The following NR1H4 variants were observed in gnomAD, a reference collection of about 807,000 sequenced individuals.
NR1H4 encodes the protein nuclear receptor subfamily 1 group H member 4.
A neutral mutation model predicts 58.5 loss-of-function variants in NR1H4; 23 were observed. That is an observed-to-expected ratio of 0.39 (90% confidence interval 0.28 to 0.56). The LOEUF (loss-of-function observed/expected upper bound fraction) is 0.56, where lower values mean the gene tolerates loss of function less well. NR1H4 is among the 20% of genes least tolerant of loss of function. NR1H4 has a pLI of 0.58. For synonymous variants in NR1H4, 214 were observed against 198.0 expected (o/e 1.08, Z -0.68); for missense variants, 487 against 576.9 (o/e 0.84, Z 1.60).
At chr12:100,511,192 G>A (rs1392175365) in intron 4 of NR1H4, 49 bp downstream of exon 4, 2 of 1,613,214 alleles carry the variant, frequency 1.2e-6, no homozygotes, top group African/African-American at 1.3e-5. Context: ...TACTATATTG[G>A]TTGTTGAAAT....
At chr12:100,547,905 A>G (rs1264329999) in intron 9 of NR1H4, among the ~76,000 whole-genome samples, 1 of 150,690 alleles carries the variant, frequency 6.6e-6, no homozygotes, top group Non-Finnish European at 1.5e-5. Context: ...TATTTTTAGT[A>G]GAGACGGGGT....
chr12:100,479,740 C>T (rs1453062281), intron 1 of NR1H4, among the ~76,000 whole-genome samples: 1 of 152,254 alleles, frequency 6.6e-6, no homozygotes, highest in Non-Finnish European at 1.5e-5. Flanking sequence ...GCTGCCTACT[C>T]TCAGACCTCA....
chr12:100,510,111 A>G (rs913230643), intron 3 of NR1H4, among the ~76,000 whole-genome samples: 1 of 152,248 alleles, frequency 6.6e-6, no homozygotes, highest in African/African-American at 2.4e-5. Flanking sequence ...GCAGACTCCT[A>G]TGGATGAATA....
intron 6 of NR1H4, among the ~76,000 whole-genome samples, chr12:100,535,632 C>G (rs1954796410): frequency 6.6e-6 from 1 of 152,176 alleles, no homozygotes; most frequent in Non-Finnish European, 1.5e-5. Context: ...CAAACCACAC[C>G]CTTCTCAATA....
intron 1 of NR1H4, among the ~76,000 whole-genome samples, chr12:100,487,724 G>A (rs1413952448): frequency 6.6e-6 from 1 of 150,466 alleles, no homozygotes; most frequent in Non-Finnish European, 1.5e-5. Flanking sequence ...TGATTCTCCT[G>A]CCTCAGCCTC....
chr12:100,493,771 T>G (rs982387592), intron 3 of NR1H4, among the ~76,000 whole-genome samples: 2 of 152,190 alleles, frequency 1.3e-5, no homozygotes, highest in African/African-American at 4.8e-5. Flanking sequence ...TGACACCTAT[T>G]AAAGGCTGAG....
chr12:100,481,455 CA>C (rs1209304457), intron 1 of NR1H4, among the ~76,000 whole-genome samples: 54 of 152,306 alleles, frequency 3.5e-4, no homozygotes, highest in African/African-American at 1.2e-3. Context: ...AGAGAATTAA[CA>C]ACGGGAAATT....
chr12:100,507,844 C>A (rs1415534650), intron 3 of NR1H4, among the ~76,000 whole-genome samples: 3 of 152,096 alleles, frequency 2.0e-5, no homozygotes, highest in Admixed American at 6.6e-5. Context: ...TGTGTTCTGT[C>A]AATCATTTCC....
At chr12:100,506,968 A>T (rs780180801) in intron 3 of NR1H4, among the ~76,000 whole-genome samples, 1 of 152,154 alleles carries the variant, frequency 6.6e-6, no homozygotes, top group Non-Finnish European at 1.5e-5. Flanking sequence ...ATCTGACTTG[A>T]CTTGGGACTC....
At chr12:100,525,229 T>A (rs983606653) in intron 4 of NR1H4, 2 of 152,196 alleles carry the variant, frequency 1.3e-5, no homozygotes, top group South Asian at 4.1e-4. Context: ...TTTTGTCTTA[T>A]CAATGATCTG....
chr12:100,535,106 A>G, intron 6 of NR1H4, 83 bp downstream of exon 6: 1 of 1,497,340 alleles, frequency 6.7e-7, no homozygotes, highest in Non-Finnish European at 9.3e-7. Context: ...AGGCTTTCAA[A>G]TTAAAGCCAC....
At position 100,561,868 on chromosome 12, in the gene NR1H4, G is replaced by A. The variant is rs375022402; in HGVS notation, c.1079-17G>A. ...GTCACTCAAAAATTGTATTATGATT[G>A]CAACTTTCCCCCACAGGTATCTCTG... On this transcript the variant is annotated splice_polypyrimidine_tract_variant and intron_variant, in intron 9 of 10. Coordinates refer to ENST00000392986, the MANE Select transcript of NR1H4 (RefSeq NM_001206979.2). 1.1e-5 allele frequency: 11 copies of A among 1,006,040 alleles called. No homozygotes were observed. The highest frequency in any genetic ancestry group is 1.6e-5 in the Non-Finnish European group (10 of 626,080). 62.3% of individuals were successfully genotyped at this position (1,006,040 alleles called of 1,614,324 possible). A position where few individuals can be genotyped will look rare whatever the true frequency, so the allele number is the denominator to read the frequency against.
rs190499538 is a variant in NR1H4 at position 100,490,237 on chromosome 12, A to G, written c.-189-2266A>G. Among the ~76,000 whole-genome samples the G allele has an allele frequency of 2.6e-5, 4 of 152,314 alleles. No individual in the cohort carries two copies. In the East Asian group the frequency reaches 7.7e-4, roughly 29 times the overall value. ...CAAGTTTATATGAATGTATTGAAGA[A>G]AATATATCACAGGAATCCAAAATGA... On this transcript the variant is annotated intron_variant, in intron 1 of 10. Transcript: ENST00000392986.
intron 4 of NR1H4, among the ~76,000 whole-genome samples, chr12:100,523,148 T>A (rs1328311101): frequency 6.6e-6 from 1 of 152,162 alleles, no homozygotes; most frequent in African/African-American, 2.4e-5. Context: ...TCCATAGAGG[T>A]TGTACTAATT....
chr12:100,563,145 A>G, intron 10 of NR1H4, 106 bp from the exon 11 acceptor site: 4 of 872,512 alleles, frequency 4.6e-6, no homozygotes, highest in Middle Eastern at 2.6e-4. Context: ...CATTTTGTGT[A>G]CAACATTTAA....
At chr12:100,536,732 A>G in intron 7 of NR1H4, 122 bp downstream of exon 7, 1 of 709,736 alleles carries the variant, frequency 1.4e-6, no homozygotes, top group Non-Finnish European at 2.4e-6. Flanking sequence ...TGAGAATTCA[A>G]GTTAGACTTT....
chr12:100,544,245 C>A (rs1240057420), intron 9 of NR1H4, among the ~76,000 whole-genome samples: 1 of 121,192 alleles, frequency 8.3e-6, no homozygotes, highest in African/African-American at 3.6e-5. Context: ...GAGTGAGACT[C>A]GGTCTCACAA....
chr12:100,536,227 A>AT (rs1379539828), intron 6 of NR1H4, among the ~76,000 whole-genome samples: 1 of 152,178 alleles, frequency 6.6e-6, no homozygotes, highest in Admixed American at 6.5e-5. Context: ...GAATGGGCTC[A>AT]ATAGTCTTCA....
intron 4 of NR1H4, among the ~76,000 whole-genome samples, chr12:100,531,863 G>T (rs1340557077): frequency 6.6e-6 from 1 of 152,116 alleles, no homozygotes; most frequent in Admixed American, 6.6e-5. Flanking sequence ...TGCCAGGCTG[G>T]CATATAAAGT....
Sources: allele counts gnomAD v4.1 joint callset (sites outside exome capture counted in the v4.1 genomes callset), GRCh38; gene constraint gnomAD v4.1.1; transcripts MANE v1.5; gene names NCBI Gene and HGNC (gene_info 2026-07-23, HGNC 2026-07-21).